Variants in ELOVL6 observed in about 807,000 individuals in gnomAD.
ELOVL6 encodes the protein very long chain fatty acid elongase 6.
Under a neutral mutation model 31.7 loss-of-function variants are expected in ELOVL6, and 8 were observed. The ratio of observed to expected loss-of-function variants is 0.25; its 90% CI spans 0.15 to 0.45. The LOEUF (loss-of-function observed/expected upper bound fraction) is 0.45, where lower values mean the gene tolerates loss of function less well. Among genes scored for constraint, ELOVL6 ranks in the 20% least tolerant of loss-of-function variants. ELOVL6 has a pLI of 1.00. For synonymous variants in ELOVL6, 101 were observed against 117.7 expected, an observed-to-expected ratio of 0.86 and a Z score of 0.92; for missense variants, 126 against 326.4, an observed-to-expected ratio of 0.39 and a Z score of 4.73.
At chr4:110,191,168 T>G (rs376158371) in intron 1 of ELOVL6, among the ~76,000 whole-genome samples, 27 of 152,280 alleles carry the variant, frequency 1.8e-4, no homozygotes, top group African/African-American at 6.5e-4. Context: ...AATAAATTAT[T>G]GGAGGGTAAA....
At chr4:110,109,061 G>A (rs77488748) in intron 1 of ELOVL6, among the ~76,000 whole-genome samples, 18 of 152,180 alleles carry the variant, frequency 1.2e-4, no homozygotes, top group East Asian at 7.7e-4. Flanking sequence ...GCATCTCTCC[G>A]GTAAAGTTCA....
rs1560813226 is a variant in ELOVL6 at position 110,083,962 on chromosome 4, T to TATATAAC, written c.221+21534_221+21535insGTTATAT. 1.3e-3 allele frequency among the ~76,000 whole-genome samples: 134 copies of TATATAAC among 104,048 alleles called. 15 individuals are homozygous for TATATAAC. Among genetic ancestry groups the TATATAAC allele is most frequent in the East Asian group, 0.011 (49 of 4,378 alleles). The allele number at this position is 104,048 out of a possible 152,430, so 68.3% of individuals were successfully genotyped here. Reference sequence around the variant, plus strand: ...TATATATAACATGTTATATATGATATATATGATATAACATATGCCATATAC... The same window carrying TATATAAC: ...TATATATAACATGTTATATATGATATATATAACATATGATATAACATATGCCATATAC... On this transcript the variant is annotated intron_variant, in intron 2 of 3. Transcript: ENST00000302274.
intron 2 of ELOVL6, among the ~76,000 whole-genome samples, chr4:110,077,352 C>T (rs1211811067): frequency 6.6e-6 from 1 of 152,176 alleles, no homozygotes; most frequent in Non-Finnish European, 1.5e-5. Flanking sequence ...TAGGGACAGA[C>T]TGACACCTCA....
chr4:110,129,587 G>A (rs887536049), intron 1 of ELOVL6, among the ~76,000 whole-genome samples: 6 of 152,200 alleles, frequency 3.9e-5, no homozygotes, highest in African/African-American at 1.4e-4. Flanking sequence ...TTCTGGGAAA[G>A]GTTTTTAAAA....
intron 1 of ELOVL6, among the ~76,000 whole-genome samples, chr4:110,169,795 T>TTTTC (rs200008631): frequency 0.032 from 4,761 of 150,030 alleles, 262 homozygotes; most frequent in African/African-American, 0.11. Flanking sequence ...TTTAGTTTTC[T>TTTTC]TTTCTTTCTT....
chr4:110,164,972 G>A (rs1316199231), intron 1 of ELOVL6, among the ~76,000 whole-genome samples: 1 of 151,886 alleles, frequency 6.6e-6, no homozygotes, highest in African/African-American at 2.4e-5. Context: ...TCGAGGAGCT[G>A]GGACTACACG....
chr4:110,093,499 T>G (rs11731035), intron 2 of ELOVL6, among the ~76,000 whole-genome samples: 21,605 of 152,232 alleles, frequency 0.14, 1,646 homozygotes, highest in African/African-American at 0.18. Flanking sequence ...ATACATAAAC[T>G]TGCAGTTCTT....
chr4:110,186,898 T>C (rs1759465360), intron 1 of ELOVL6, among the ~76,000 whole-genome samples: 1 of 144,374 alleles, frequency 6.9e-6, no homozygotes, highest in Admixed American at 7.0e-5. Flanking sequence ...TATATACATA[T>C]ATATGGAATG....
chr4:110,068,804 A>G (rs1166735185), intron 2 of ELOVL6, among the ~76,000 whole-genome samples: 1 of 152,140 alleles, frequency 6.6e-6, no homozygotes, highest in Non-Finnish European at 1.5e-5. Flanking sequence ...AACTAACCTG[A>G]TAAAAACCAC....
At chr4:110,145,546 A>G (rs932661122) in intron 1 of ELOVL6, among the ~76,000 whole-genome samples, 5 of 152,238 alleles carry the variant, frequency 3.3e-5, no homozygotes, top group African/African-American at 1.2e-4. Flanking sequence ...GACAATTACT[A>G]CAGACAGAAT....
intron 1 of ELOVL6, among the ~76,000 whole-genome samples, chr4:110,111,805 T>C (rs1417239859): frequency 6.6e-6 from 1 of 152,008 alleles, no homozygotes; most frequent in Non-Finnish European, 1.5e-5. Context: ...CCAGATGCTG[T>C]GGGTTGGGTA....
At chr4:110,157,662 C>T (rs1224981631) in intron 1 of ELOVL6, among the ~76,000 whole-genome samples, 3 of 149,940 alleles carry the variant, frequency 2.0e-5, no homozygotes, top group Non-Finnish European at 3.0e-5. Context: ...AAGAGCAAGG[C>T]TCCGTCTCAA....
chr4:110,083,566 A>G (rs1373444081), intron 2 of ELOVL6, among the ~76,000 whole-genome samples: 2 of 151,656 alleles, frequency 1.3e-5, no homozygotes, highest in Non-Finnish European at 2.9e-5. Flanking sequence ...TATACAATTC[A>G]TTTTATTCTA....
At chr4:110,121,560 G>C (rs984092767) in intron 1 of ELOVL6, among the ~76,000 whole-genome samples, 1 of 152,124 alleles carries the variant, frequency 6.6e-6, no homozygotes, top group African/African-American at 2.4e-5. Context: ...TTAGCCAGGC[G>C]TGGTGGCAGA....
intron 1 of ELOVL6, among the ~76,000 whole-genome samples, chr4:110,191,780 A>G (rs976786183): frequency 6.6e-6 from 1 of 152,034 alleles, no homozygotes; most frequent in African/African-American, 2.4e-5. Flanking sequence ...GCAGTGAGCC[A>G]AGACCAGGCT....
intron 1 of ELOVL6, among the ~76,000 whole-genome samples, chr4:110,184,994 T>C (rs1759397091): frequency 6.6e-6 from 1 of 152,218 alleles, no homozygotes; most frequent in South Asian, 2.1e-4. Context: ...AGCCTGTGCA[T>C]GTGTGTACTG....
At chr4:110,126,570 G>T (rs2126255754) in intron 1 of ELOVL6, among the ~76,000 whole-genome samples, 1 of 152,200 alleles carries the variant, frequency 6.6e-6, no homozygotes, top group African/African-American at 2.4e-5. Context: ...GGATTTGAAG[G>T]TGCTAGTCAT....
chr4:110,082,411 G>A (rs1311361577), intron 2 of ELOVL6, among the ~76,000 whole-genome samples: 1 of 151,700 alleles, frequency 6.6e-6, no homozygotes, highest in East Asian at 1.9e-4. Context: ...ATACTATGCA[G>A]CCATAAAAAA....
intron 2 of ELOVL6, among the ~76,000 whole-genome samples, chr4:110,100,210 C>A (rs558486415): frequency 6.6e-6 from 1 of 152,082 alleles, no homozygotes; most frequent in Non-Finnish European, 1.5e-5. Flanking sequence ...CTGGAGGAAT[C>A]GTGGGGAGAG....
Sources: allele counts gnomAD v4.1 joint callset (sites outside exome capture counted in the v4.1 genomes callset), GRCh38; gene constraint gnomAD v4.1.1; transcripts MANE v1.5; gene names NCBI Gene and HGNC (gene_info 2026-07-23, HGNC 2026-07-21).